Variants in AUTS2 observed in about 807,000 individuals in gnomAD.
AUTS2 encodes the protein activator of transcription and developmental regulator AUTS2.
Under a neutral mutation model 112.4 loss-of-function variants are expected in AUTS2, and 17 were observed. The observed-to-expected ratio is 0.15, with a 90% CI of 0.10 to 0.23. AUTS2 has a LOEUF of 0.23. AUTS2 is among the 10% of genes least tolerant of loss of function. The pLI is 1.00. For synonymous variants in AUTS2, 751 were observed against 702.7 expected, an observed-to-expected ratio of 1.07 and a Z score of -1.09; for missense variants, 1,510 against 1,701.6, an observed-to-expected ratio of 0.89 and a Z score of 1.98.
chr7:70,191,045 CATTTG>C (rs1809852445), intron 4 of AUTS2, among the ~76,000 whole-genome samples: 1 of 151,872 alleles, frequency 6.6e-6, no homozygotes, highest in African/African-American at 2.4e-5. Context: ...ATTCCTCAAG[CATTTG>C]ATTTAAGTAA....
chr7:70,636,922 C>T (rs1345717731), intron 5 of AUTS2, among the ~76,000 whole-genome samples: 1 of 152,108 alleles, frequency 6.6e-6, no homozygotes, highest in African/African-American at 2.4e-5. Context: ...GGATTATAGG[C>T]GTGAGCCACC....
chr7:70,026,548 T>C (rs1800533278), intron 2 of AUTS2, among the ~76,000 whole-genome samples: 1 of 152,116 alleles, frequency 6.6e-6, no homozygotes, highest in East Asian at 1.9e-4. Flanking sequence ...ACGATTTGAA[T>C]GTTTGTGGAT....
At chr7:70,009,363 T>C (rs1799692183) in intron 2 of AUTS2, among the ~76,000 whole-genome samples, 1 of 152,202 alleles carries the variant, frequency 6.6e-6, no homozygotes, top group African/African-American at 2.4e-5. Flanking sequence ...TTTGGGGACA[T>C]GGTTAAACCA....
At chr7:70,390,095 A>G (rs1742587976) in intron 4 of AUTS2, among the ~76,000 whole-genome samples, 1 of 152,214 alleles carries the variant, frequency 6.6e-6, no homozygotes. Context: ...AACAGCTCAC[A>G]CATTTCCCCC....
chr7:70,304,451 G>A (rs1389378220), intron 4 of AUTS2, among the ~76,000 whole-genome samples: 4 of 152,186 alleles, frequency 2.6e-5, no homozygotes, highest in African/African-American at 4.8e-5. Context: ...AATTGCCACT[G>A]GAGGCCGTGG....
chr7:69,868,500 G>A (rs1793338668), intron 1 of AUTS2, among the ~76,000 whole-genome samples: 1 of 152,156 alleles, frequency 6.6e-6, no homozygotes, highest in Non-Finnish European at 1.5e-5. Flanking sequence ...TCCAAGACTA[G>A]CTTCCCTCTG....
chr7:70,362,544 G>C (rs140106842), intron 4 of AUTS2, among the ~76,000 whole-genome samples: 863 of 152,164 alleles, frequency 5.7e-3, no homozygotes, highest in Non-Finnish European at 9.8e-3. Context: ...GATATTTCAA[G>C]CAGGAGAAAT....
chr7:70,194,754 G>A (rs1415107241), intron 4 of AUTS2: 1 of 152,218 alleles, frequency 6.6e-6, no homozygotes, highest in Non-Finnish European at 1.5e-5. Flanking sequence ...GATAATTTAG[G>A]ATGACTTATG....
At chr7:70,517,388 A>G (rs1799458296) in intron 5 of AUTS2, among the ~76,000 whole-genome samples, 1 of 152,150 alleles carries the variant, frequency 6.6e-6, no homozygotes, top group African/African-American at 2.4e-5. Flanking sequence ...TCTTAGCTGC[A>G]AATCCCAGCC....
intron 4 of AUTS2, among the ~76,000 whole-genome samples, chr7:70,370,861 A>G (rs1344973990): frequency 6.6e-6 from 1 of 151,290 alleles, no homozygotes; most frequent in Non-Finnish European, 1.5e-5. Context: ...TATTATAGCC[A>G]TTATTCTAGT....
chr7:70,273,249 G>C (rs1031363469), intron 4 of AUTS2, among the ~76,000 whole-genome samples: 3 of 152,078 alleles, frequency 2.0e-5, no homozygotes, highest in Non-Finnish European at 4.4e-5. Context: ...TCATCATGTT[G>C]CCCAGGCTGG....
chr7:70,228,574 TA>T (rs1811890469), intron 4 of AUTS2, among the ~76,000 whole-genome samples: 4 of 151,928 alleles, frequency 2.6e-5, no homozygotes, highest in Admixed American at 2.6e-4. Context: ...TCTATGAAAA[TA>T]TTTTTTTCTG....
intron 2 of AUTS2, among the ~76,000 whole-genome samples, chr7:70,082,217 G>A (rs897930591): frequency 6.6e-6 from 1 of 152,168 alleles, no homozygotes; most frequent in Non-Finnish European, 1.5e-5. Flanking sequence ...TGTTGACTAC[G>A]TGCCTAAAAT....
At chr7:70,376,340 GAC>G (rs1793080886) in intron 4 of AUTS2, among the ~76,000 whole-genome samples, 1 of 151,960 alleles carries the variant, frequency 6.6e-6, no homozygotes, top group African/African-American at 2.4e-5. Flanking sequence ...TAGCCTTTTT[GAC>G]CACACAGGTC....
chr7:69,602,040 ATGTGTGTGTGTGTGTGTG>A lies in AUTS2; in HGVS notation c.309+2114_309+2131del, dbSNP rs6150156. Among the ~76,000 whole-genome samples the A allele has an allele frequency of 1.1e-3, 53 of 46,254 alleles. 1 individual carries two copies. Among genetic ancestry groups the A allele is most frequent in the African/African-American group, 1.8e-3 (25 of 14,116 alleles). 30.3% of individuals were successfully genotyped at this position (46,254 alleles called of 152,430 possible). A position where few individuals can be genotyped will look rare whatever the true frequency, so the allele number is the denominator to read the frequency against. The stretch of plus-strand genomic sequence containing the variant: ...TGTGTGTATATATATATATATATAT[ATGTGTGTGTGTGTGTGTG>A]TGTGTGTGTGTGTGTGTGTGTGTGT... On this transcript the variant is annotated intron_variant, in intron 1 of 18. Transcript: ENST00000342771.
intron 4 of AUTS2, among the ~76,000 whole-genome samples, chr7:70,402,074 G>A (rs772711006): frequency 1.4e-4 from 22 of 152,322 alleles, no homozygotes; most frequent in East Asian, 9.6e-4. Flanking sequence ...CTTGCTCCCC[G>A]CAAAGTTCCA....
intron 4 of AUTS2, chr7:70,317,068 T>C (rs1388445845): frequency 6.6e-6 from 1 of 152,138 alleles, no homozygotes; most frequent in African/African-American, 2.4e-5. Context: ...GGGGAACACT[T>C]GATCTGACCT....
chr7:70,388,231 A>G (rs954002815), intron 4 of AUTS2, among the ~76,000 whole-genome samples: 19 of 152,134 alleles, frequency 1.2e-4, no homozygotes, highest in African/African-American at 2.4e-5. Context: ...CCAAAATTGT[A>G]TGAGGTGGCG....
intron 2 of AUTS2, among the ~76,000 whole-genome samples, chr7:70,114,033 A>G (rs1805226699): frequency 6.6e-6 from 1 of 152,232 alleles, no homozygotes; most frequent in African/African-American, 2.4e-5. Flanking sequence ...AATGAAAAAC[A>G]AACTAGCTTC....
Sources: allele counts gnomAD v4.1 joint callset (sites outside exome capture counted in the v4.1 genomes callset), GRCh38; gene constraint gnomAD v4.1.1; transcripts MANE v1.5; gene names NCBI Gene and HGNC (gene_info 2026-07-23, HGNC 2026-07-21).